The following TTLL11 variants were observed in gnomAD, a reference collection of about 807,000 sequenced individuals.
The protein encoded by TTLL11 is tubulin tyrosine ligase like 11.
TTLL11 carries 42 observed loss-of-function variants against 51.7 expected under a neutral mutation model. That is an observed-to-expected ratio of 0.81 (90% CI 0.64 to 1.05). TTLL11 has a LOEUF of 1.05. Ranked by LOEUF, TTLL11 falls within the 50% of genes least tolerant of loss-of-function variation. The pLI, the probability that TTLL11 is intolerant of heterozygous loss-of-function variation, is 0.00. For synonymous variants in TTLL11, 381 were observed against 383.5 expected (o/e 0.99, Z 0.08); for missense variants, 799 against 940.4 (o/e 0.85, Z 1.97).
intron 3 of TTLL11, among the ~76,000 whole-genome samples, chr9:122,028,868 T>C (rs72767726): frequency 0.044 from 6,646 of 152,262 alleles, 171 homozygotes; most frequent in African/African-American, 0.073. Context: ...ACAAAAAATA[T>C]TTGGAAAGTC....
At chr9:122,049,521 G>A (rs1183944133) in intron 1 of TTLL11, among the ~76,000 whole-genome samples, 4 of 152,146 alleles carry the variant, frequency 2.6e-5, no homozygotes, top group Non-Finnish European at 2.9e-5. Context: ...ATGAATAACT[G>A]TAACCCTCAC....
At chr9:121,827,050 C>T (rs994275688) in intron 8 of TTLL11, among the ~76,000 whole-genome samples, 2 of 152,124 alleles carry the variant, frequency 1.3e-5, no homozygotes, top group South Asian at 2.1e-4. Context: ...GGGCAAGGCC[C>T]GCGTGATCCG....
intron 6 of TTLL11, among the ~76,000 whole-genome samples, chr9:121,923,639 G>T (rs1840617529): frequency 7.5e-6 from 1 of 133,724 alleles, no homozygotes; most frequent in African/African-American, 2.6e-5. Context: ...TAAAGAAGTT[G>T]GGGTTTGGTA....
In TTLL11 at chr9:121,904,310, A is replaced by G. The variant is rs149489918; in HGVS notation, c.1482-33562T>C. On this transcript the variant is annotated intron_variant, in intron 6 of 8. Coordinates refer to ENST00000321582, the MANE Select transcript of TTLL11 (RefSeq NM_001139442.2). ...TCCTGCCTCAGCCTCCTGAGTAGCT[A>G]GGACTATAGGCACGCACCACCACGC... 3.9e-5 allele frequency among the ~76,000 whole-genome samples: 6 copies of G among 151,954 alleles called. No homozygotes were observed. In the East Asian group the frequency reaches 9.7e-4, roughly 25 times the overall value.
At chr9:121,838,219 T>C (rs112909370) in intron 8 of TTLL11, among the ~76,000 whole-genome samples, 9,761 of 152,188 alleles carry the variant, frequency 0.064, 726 homozygotes, top group African/African-American at 0.19. Flanking sequence ...CCCACCTAGT[T>C]GTTCAAGCCA....
At chr9:121,916,964 T>C (rs1405222867) in intron 6 of TTLL11, among the ~76,000 whole-genome samples, 2 of 152,158 alleles carry the variant, frequency 1.3e-5, no homozygotes, top group Non-Finnish European at 2.9e-5. Flanking sequence ...TCCTAACATA[T>C]TACATTCTGT....
chr9:121,848,272 T>G (rs563012596), intron 8 of TTLL11, among the ~76,000 whole-genome samples: 2 of 152,006 alleles, frequency 1.3e-5, no homozygotes, highest in South Asian at 4.2e-4. Flanking sequence ...CTTCCTCAAC[T>G]TGATAAAGCA....
intron 1 of TTLL11, among the ~76,000 whole-genome samples, chr9:122,050,171 C>A (rs1845119200): frequency 6.6e-6 from 1 of 152,196 alleles, no homozygotes. Flanking sequence ...CCTCCCAGGG[C>A]TGTTATGTGG....
chr9:121,881,210 C>A (rs1838775789), intron 6 of TTLL11, among the ~76,000 whole-genome samples: 1 of 152,180 alleles, frequency 6.6e-6, no homozygotes, highest in Non-Finnish European at 1.5e-5. Flanking sequence ...ATACTCAGTG[C>A]CTATCTGCAA....
At chr9:121,930,352 C>T (rs1840917377) in intron 6 of TTLL11, among the ~76,000 whole-genome samples, 1 of 152,208 alleles carries the variant, frequency 6.6e-6, no homozygotes, top group Admixed American at 6.5e-5. Context: ...TCTATTTGAG[C>T]TCTTTTACTC....
At chr9:122,012,065 C>T (rs1438664649) in intron 3 of TTLL11, among the ~76,000 whole-genome samples, 1 of 152,118 alleles carries the variant, frequency 6.6e-6, no homozygotes, top group African/African-American at 2.4e-5. Context: ...CATTAGAACC[C>T]CTCCAAGATA....
chr9:122,001,037 G>T (rs1843446169), intron 3 of TTLL11, among the ~76,000 whole-genome samples: 1 of 150,440 alleles, frequency 6.6e-6, no homozygotes, highest in Non-Finnish European at 1.5e-5. Context: ...TCTTTTTCAG[G>T]TTTTGTTTTG....
chr9:122,019,682 C>T (rs562629523), intron 3 of TTLL11, among the ~76,000 whole-genome samples: 1 of 152,310 alleles, frequency 6.6e-6, no homozygotes, highest in African/African-American at 2.4e-5. Flanking sequence ...AACTCCTGGA[C>T]TCAAGCAATC....
intron 1 of TTLL11, chr9:122,040,384 G>A: frequency 1.0e-6 from 1 of 984,912 alleles, no homozygotes; most frequent in Non-Finnish European, 1.2e-6. Context: ...CGAGACAAAA[G>A]GGCCTGTTCT....
At chr9:121,824,738 G>A (rs1836698697) in intron 8 of TTLL11, among the ~76,000 whole-genome samples, 1 of 152,148 alleles carries the variant, frequency 6.6e-6, no homozygotes, top group Non-Finnish European at 1.5e-5. Flanking sequence ...CAGTAAGGTT[G>A]GACTGAACAC....
intron 3 of TTLL11, among the ~76,000 whole-genome samples, chr9:121,998,617 A>T (rs548518272): frequency 1.3e-5 from 2 of 151,390 alleles, no homozygotes; most frequent in African/African-American, 4.9e-5. Context: ...CAAGAATATC[A>T]ATGTCTTATT....
intron 2 of TTLL11, among the ~76,000 whole-genome samples, chr9:122,035,453 A>G (rs1365412673): frequency 1.3e-5 from 2 of 152,212 alleles, no homozygotes; most frequent in African/African-American, 4.8e-5. Context: ...CATTCAAGTT[A>G]ACTGACAGCA....
intron 8 of TTLL11, among the ~76,000 whole-genome samples, chr9:121,827,695 A>G (rs118192094): frequency 1.3e-5 from 2 of 152,210 alleles, no homozygotes; most frequent in Non-Finnish European, 2.9e-5. Context: ...GAGTTTGACT[A>G]GATATTGGCT....
rs142403017 is a variant in TTLL11 at position 121,820,637 on chromosome 9, C to A, written c.*1950G>T. ...CCTGGACCAAGTCCTGACTACATGG[C>A]CTCCTGGGCCTTCCTTTCCTCATCT... On this transcript the variant is annotated 3_prime_UTR_variant, in exon 9 of 9. Coordinates refer to ENST00000321582, the MANE Select transcript of TTLL11 (RefSeq NM_001139442.2). Among the ~76,000 whole-genome samples, 1 of 152,186 alleles carries A rather than the reference C, an allele frequency of 6.6e-6. No individual in the cohort carries two copies. The highest frequency in any genetic ancestry group is 2.4e-5 in the African/African-American group (1 of 41,538).
Sources: allele counts gnomAD v4.1 joint callset (sites outside exome capture counted in the v4.1 genomes callset), GRCh38; gene constraint gnomAD v4.1.1; transcripts MANE v1.5; gene names NCBI Gene and HGNC (gene_info 2026-07-23, HGNC 2026-07-21).